Variants in ME3 observed in about 807,000 individuals in gnomAD.
The protein encoded by ME3 is NADP-dependent malic enzyme, mitochondrial.
A neutral mutation model predicts 68.9 loss-of-function variants in ME3; 48 were observed. That is an observed-to-expected ratio of 0.70 (90% CI 0.55 to 0.89). The LOEUF (loss-of-function observed/expected upper bound fraction) is 0.89, where lower values mean the gene tolerates loss of function less well. Ranked by LOEUF, ME3 falls within the 40% of genes least tolerant of loss-of-function variation. ME3 has a pLI of 0.00. For synonymous variants in ME3, 320 were observed against 318.8 expected (o/e 1.00, Z -0.04); for missense variants, 675 against 797.4 (o/e 0.85, Z 1.85).
chr11:86,511,808 A>G (rs1331254007), intron 4 of ME3, among the ~76,000 whole-genome samples: 1 of 152,014 alleles, frequency 6.6e-6, no homozygotes, highest in African/African-American at 2.4e-5. Flanking sequence ...TAACATCACT[A>G]TTGTAGGACC....
chr11:86,441,470 C>G (rs202058307), intron 14 of ME3, 30 bp from the exon 15 acceptor site: 2 of 1,555,412 alleles, frequency 1.3e-6, no homozygotes, highest in African/African-American at 2.7e-5. Flanking sequence ...GCTAAGGAAC[C>G]GGATCTAAGG....
chr11:86,441,257 C>T, exon 15 of ME3: 1 of 1,545,880 alleles, frequency 6.5e-7, no homozygotes, highest in Non-Finnish European at 8.7e-7. Flanking sequence ...CATCTAGCCC[C>T]ATACTAGCCT....
At chr11:86,638,814 G>C (rs61904282) in intron 2 of ME3, among the ~76,000 whole-genome samples, 1 of 152,196 alleles carries the variant, frequency 6.6e-6, no homozygotes, top group Non-Finnish European at 1.5e-5. Flanking sequence ...CTGCTAGTAA[G>C]TGGCAGGGTC....
At chr11:86,438,171 G>C (rs1465790927), downstream of ME3, among the ~76,000 whole-genome samples, 3 of 151,862 alleles carry the variant, frequency 2.0e-5, no homozygotes, top group African/African-American at 7.3e-5. Context: ...ACTTTGTTTA[G>C]GGTTTTTTCA....
chr11:86,483,436 A>G (rs770539851), intron 7 of ME3, among the ~76,000 whole-genome samples: 3 of 152,182 alleles, frequency 2.0e-5, no homozygotes, highest in Non-Finnish European at 2.9e-5. Flanking sequence ...TCTGAAAACT[A>G]GAAGTTTCTA....
intron 2 of ME3, among the ~76,000 whole-genome samples, chr11:86,661,533 T>G (rs1217326017): frequency 6.6e-6 from 1 of 152,222 alleles, no homozygotes; most frequent in African/African-American, 2.4e-5. Context: ...ATTGCTCAAT[T>G]TCTGCACATA....
chr11:86,456,420 G>A (rs911284207), intron 8 of ME3, among the ~76,000 whole-genome samples: 2 of 152,164 alleles, frequency 1.3e-5, no homozygotes, highest in Non-Finnish European at 2.9e-5. Flanking sequence ...GAAATTCGGT[G>A]CTGGATGGGG....
chr11:86,654,696 A>G (rs1945730547), intron 2 of ME3, among the ~76,000 whole-genome samples: 2 of 152,248 alleles, frequency 1.3e-5, no homozygotes, highest in Non-Finnish European at 2.9e-5. Flanking sequence ...CAAGACAGGG[A>G]TGCCCTCTCT....
At chr11:86,446,527 G>C (rs1949307541) in intron 12 of ME3, 40 bp from the exon 13 acceptor site, 1 of 1,602,854 alleles carries the variant, frequency 6.2e-7, no homozygotes, top group Non-Finnish European at 8.5e-7. Context: ...CTTGGAGATT[G>C]GTTTGGGGTA....
chr11:86,447,289 T>C (rs1054637149), intron 11 of ME3, 82 bp from the exon 12 acceptor site: 45 of 1,539,252 alleles, frequency 2.9e-5, no homozygotes, highest in Non-Finnish European at 3.4e-5. Context: ...GTGGGGGAAC[T>C]AGGAATACCA....
rs568194707 is a variant in ME3 at position 86,471,094 on chromosome 11, C to T, written c.810-5894G>A. On this transcript the variant is annotated intron_variant, in intron 7 of 14. Coordinates refer to ENST00000543262, the Ensembl canonical transcript of ME3. ...CTGCTGGTTCTCTCTGTCTAGAAGG[C>T]GTCTTTTTGTCTAGGCCAACCCCTA... 4.1e-5 allele frequency among the ~76,000 whole-genome samples: 6 copies of T among 144,704 alleles called. No individual in the cohort carries two copies. The South Asian group carries it at 7.1e-4, about 17-fold the overall frequency. The allele number at this position is 144,704 out of a possible 152,430, so 94.9% of individuals were successfully genotyped here.
In ME3 at chr11:86,642,653, C is replaced by T. The variant is rs142373203; in HGVS notation, c.183+29109G>A. On this transcript the variant is annotated intron_variant, in intron 2 of 14. Transcript: ENST00000543262. ...GGGAGGTGGAGGCTGCAGTGAGTCA[C>T]GATCATGCCACTTGCACTCCAGCCT... Among the ~76,000 whole-genome samples, 367 of 152,200 alleles carry T rather than the reference C, an allele frequency of 2.4e-3. 2 individuals carry two copies. The highest frequency in any genetic ancestry group is 0.01 in the Middle Eastern group (3 of 294).
At chr11:86,630,014 A>G (rs1167016769) in intron 2 of ME3, among the ~76,000 whole-genome samples, 1 of 152,158 alleles carries the variant, frequency 6.6e-6, no homozygotes, top group East Asian at 1.9e-4. Flanking sequence ...AGAACTCTAG[A>G]CCTGGAGGAA....
At chr11:86,500,945 CAAG>C (rs1474348704) in intron 5 of ME3, among the ~76,000 whole-genome samples, 1 of 152,112 alleles carries the variant, frequency 6.6e-6, no homozygotes, top group East Asian at 1.9e-4. Context: ...CACTGCCTGC[CAAG>C]ACCCGCACAA....
intron 2 of ME3, among the ~76,000 whole-genome samples, chr11:86,565,215 C>CA (rs1565147243): frequency 9.9e-5 from 15 of 151,788 alleles, no homozygotes; most frequent in South Asian, 4.2e-4. Context: ...ACACACACAC[C>CA]CCCCCTAGGA....
intron 8 of ME3, chr11:86,457,296 A>C (rs1170485005): frequency 1.8e-5 from 3 of 165,792 alleles, no homozygotes; most frequent in Non-Finnish European, 3.9e-5. Flanking sequence ...AGAGCTGAAT[A>C]TATTAACTGC....
At chr11:86,532,786 G>A (rs147184150) in intron 4 of ME3, among the ~76,000 whole-genome samples, 7 of 152,342 alleles carry the variant, frequency 4.6e-5, no homozygotes, top group Admixed American at 1.3e-4. Context: ...GGGCTCTGGC[G>A]TGGTGGCTTA....
intron 2 of ME3, among the ~76,000 whole-genome samples, chr11:86,600,285 A>T (rs1292581610): frequency 6.6e-6 from 1 of 152,244 alleles, no homozygotes; most frequent in Non-Finnish European, 1.5e-5. Flanking sequence ...AAAACAAAAA[A>T]GGCAGGGGTT....
intron 2 of ME3, among the ~76,000 whole-genome samples, chr11:86,657,828 G>A (rs1345918307): frequency 6.6e-6 from 1 of 152,116 alleles, no homozygotes; most frequent in African/African-American, 2.4e-5. Context: ...ATCATAGCTG[G>A]CAAGCTTATG....
Sources: gnomAD v4.1 joint callset for allele counts (sites outside exome capture counted in the v4.1 genomes callset) on GRCh38, gnomAD v4.1.1 for gene constraint, MANE v1.5 for transcripts, NCBI Gene and HGNC (gene_info 2026-07-23, HGNC 2026-07-21) for gene names.